GPC5: variants seen among roughly 807,000 people sequenced by gnomAD.
GPC5 encodes the protein glypican-5.
GPC5 carries 47 observed loss-of-function variants against 53.9 expected under a neutral mutation model. That is an observed-to-expected ratio of 0.87 (90% confidence interval 0.69 to 1.11). GPC5 has a LOEUF of 1.11. Among genes scored for constraint, GPC5 ranks in the 50% most tolerant of loss-of-function variants. The pLI is 0.00. For synonymous variants in GPC5, 286 were observed against 263.3 expected, an observed-to-expected ratio of 1.09 and a Z score of -0.84; for missense variants, 748 against 713.1, an observed-to-expected ratio of 1.05 and a Z score of -0.56.
At chr13:91,683,750 C>T (rs957842829) in intron 2 of GPC5, among the ~76,000 whole-genome samples, 1 of 152,192 alleles carries the variant, frequency 6.6e-6, no homozygotes, top group East Asian at 1.9e-4. Context: ...TCCTGCAGTT[C>T]CCATCCTGCC....
chr13:91,474,265 A>C (rs1882800052), intron 2 of GPC5, among the ~76,000 whole-genome samples: 1 of 152,192 alleles, frequency 6.6e-6, no homozygotes, highest in Admixed American at 6.6e-5. Context: ...TATTGTTTAT[A>C]GAAGATCTTG....
intron 7 of GPC5, among the ~76,000 whole-genome samples, chr13:92,840,327 A>C (rs1191541209): frequency 1.3e-5 from 2 of 151,702 alleles, no homozygotes; most frequent in Admixed American, 1.3e-4. Context: ...GCTATTGTGA[A>C]TAGTGCTGCT....
intron 5 of GPC5, among the ~76,000 whole-genome samples, chr13:91,806,021 A>ATTTTTTTTTT (rs71113764): frequency 2.1e-5 from 1 of 48,610 alleles, no homozygotes; most frequent in African/African-American, 8.7e-5. Context: ...AAATACAATA[A>ATTTTTTTTTT]TTTTTTTTTT....
At chr13:92,428,748 C>T (rs111443714) in intron 7 of GPC5, among the ~76,000 whole-genome samples, 4 of 152,134 alleles carry the variant, frequency 2.6e-5, no homozygotes, top group African/African-American at 9.6e-5. Flanking sequence ...ATTCTGACCT[C>T]CAGGGTAGAA....
chr13:91,572,233 A>G (rs2031944746), intron 2 of GPC5, among the ~76,000 whole-genome samples: 1 of 145,896 alleles, frequency 6.9e-6, no homozygotes, highest in South Asian at 2.2e-4. Context: ...ACACATATGT[A>G]TATACATGTG....
chr13:92,838,519 C>T (rs1251406235), intron 7 of GPC5, among the ~76,000 whole-genome samples: 1 of 151,318 alleles, frequency 6.6e-6, no homozygotes, highest in Non-Finnish European at 1.5e-5. Flanking sequence ...GAAAGTAAAC[C>T]TACTCTATAG....
intron 7 of GPC5, among the ~76,000 whole-genome samples, chr13:92,286,735 TGGGGTTG>T (rs1199182796): frequency 3.0e-4 from 8 of 26,578 alleles, no homozygotes; most frequent in African/African-American, 1.3e-3. Context: ...GGGCCTGTTG[TGGGGTTG>T]GGGGAGGGGG....
At chr13:92,493,878 T>A (rs775706090) in intron 7 of GPC5, among the ~76,000 whole-genome samples, 3 of 152,222 alleles carry the variant, frequency 2.0e-5, no homozygotes, top group Non-Finnish European at 4.4e-5. Flanking sequence ...ATAATATGAC[T>A]GATGAGGCAT....
At chr13:91,653,302 C>T (rs1242583572) in intron 2 of GPC5, among the ~76,000 whole-genome samples, 1 of 152,086 alleles carries the variant, frequency 6.6e-6, no homozygotes, top group Non-Finnish European at 1.5e-5. Flanking sequence ...TCTCCGCCCC[C>T]ACAGCCTTAA....
At chr13:92,671,725 A>G (rs1273261682) in intron 7 of GPC5, among the ~76,000 whole-genome samples, 1 of 152,210 alleles carries the variant, frequency 6.6e-6, no homozygotes, top group Non-Finnish European at 1.5e-5. Context: ...AAATCTGTAT[A>G]TTCCAGTATC....
At chr13:92,045,049 G>A (rs543355517) in intron 6 of GPC5, among the ~76,000 whole-genome samples, 17 of 152,256 alleles carry the variant, frequency 1.1e-4, no homozygotes, top group South Asian at 8.3e-4. Flanking sequence ...TATTATAGAT[G>A]CATAGTTGGT....
intron 7 of GPC5, among the ~76,000 whole-genome samples, chr13:92,316,500 T>C (rs1261789005): frequency 6.6e-6 from 1 of 152,124 alleles, no homozygotes; most frequent in Non-Finnish European, 1.5e-5. Flanking sequence ...CTTAAGTATC[T>C]AGATTTTTAA....
chr13:91,900,621 A>T (rs2039487883), intron 5 of GPC5, among the ~76,000 whole-genome samples: 1 of 152,130 alleles, frequency 6.6e-6, no homozygotes, highest in Admixed American at 6.6e-5. Context: ...TTGATTAAAA[A>T]ATTTAAAACC....
At position 91,649,756 on chromosome 13, in the gene GPC5, C is replaced by T. The variant is rs1342462153; in HGVS notation, c.326-43431C>T. ...ATAAATCTTTTATGTGGCTGCCCTT[C>T]ACCCCAGTGCCCTTCTCAAATGCAT... On this transcript the variant is annotated intron_variant, in intron 2 of 7. Transcript: ENST00000377067. 2.0e-5 allele frequency among the ~76,000 whole-genome samples: 3 copies of T among 152,290 alleles called. No homozygotes were observed. The East Asian group carries it at 5.8e-4, about 29-fold the overall frequency.
At chr13:92,234,292 C>T (rs995764704) in intron 7 of GPC5, among the ~76,000 whole-genome samples, 1 of 152,166 alleles carries the variant, frequency 6.6e-6, no homozygotes, top group East Asian at 1.9e-4. Flanking sequence ...AAAAGTGTTC[C>T]TCTTTCTCCA....
At chr13:92,096,929 T>C (rs1396316926) in intron 6 of GPC5, among the ~76,000 whole-genome samples, 1 of 152,188 alleles carries the variant, frequency 6.6e-6, no homozygotes, top group Non-Finnish European at 1.5e-5. Context: ...ATAATAAACC[T>C]AGATGGTCTG....
intron 5 of GPC5, among the ~76,000 whole-genome samples, chr13:91,824,582 A>G (rs1254534152): frequency 6.6e-6 from 1 of 152,110 alleles, no homozygotes; most frequent in Non-Finnish European, 1.5e-5. Flanking sequence ...TCATCTGTAA[A>G]TAAATAGGAG....
At chr13:91,954,336 A>G (rs1447059282) in intron 6 of GPC5, among the ~76,000 whole-genome samples, 1 of 152,202 alleles carries the variant, frequency 6.6e-6, no homozygotes, top group Admixed American at 6.5e-5. Context: ...CAGATCCTAA[A>G]CAAAATATGT....
At chr13:91,441,240 C>A (rs1040640248) in intron 1 of GPC5, among the ~76,000 whole-genome samples, 1 of 152,166 alleles carries the variant, frequency 6.6e-6, no homozygotes, top group South Asian at 2.1e-4. Context: ...GCAAGTCAGA[C>A]CCTTTTTGTT....
Sources: gnomAD v4.1 joint callset for allele counts (sites outside exome capture counted in the v4.1 genomes callset) on GRCh38, gnomAD v4.1.1 for gene constraint, MANE v1.5 for transcripts, NCBI Gene and HGNC (gene_info 2026-07-23, HGNC 2026-07-21) for gene names.